GLIS3: variants seen among roughly 807,000 people sequenced by gnomAD.
GLIS3 encodes the protein GLIS family zinc finger 3.
A neutral mutation model predicts 78.6 loss-of-function variants in GLIS3; 53 were observed. That is an observed-to-expected ratio of 0.67 (90% CI 0.54 to 0.85). GLIS3 has a LOEUF of 0.85. GLIS3 is among the 40% of genes least tolerant of loss of function. The probability of loss-of-function intolerance (pLI) is 0.00; values close to 1 mark genes in which losing one functional copy is unlikely to be tolerated. For missense variants in GLIS3, 1,703 were observed against 1,231.1 expected (o/e 1.38, Z -5.74); for synonymous variants, 684 against 509.9 (o/e 1.34, Z -4.60).
intron 2 of GLIS3, among the ~76,000 whole-genome samples, chr9:4,143,064 A>G (rs747016543): frequency 6.6e-6 from 1 of 152,046 alleles, no homozygotes; most frequent in African/African-American, 2.4e-5. Context: ...AAGAATAAAG[A>G]TATGTGTCTT....
the GLIS3 span, among the ~76,000 whole-genome samples, chr9:4,436,810 CAAAAAAAAA>C: frequency 3.2e-3 from 169 of 53,592 alleles, 2 homozygotes; most frequent in Middle Eastern, 0.054. Context: ...GACTGCATCT[CAAAAAAAAA>C]AAAAAAAAAA....
chr9:4,461,339 G>T, the GLIS3 span, among the ~76,000 whole-genome samples: 1 of 150,906 alleles, frequency 6.6e-6, no homozygotes, highest in Admixed American at 6.7e-5. Context: ...CTTACACAGG[G>T]AATACATTTT....
intron 2 of GLIS3, among the ~76,000 whole-genome samples, chr9:4,250,072 G>A (rs201525794): frequency 6.6e-6 from 1 of 152,086 alleles, no homozygotes; most frequent in African/African-American, 2.4e-5. Context: ...ATATTGGCCC[G>A]AAATTTTCTT....
intron 4 of GLIS3, among the ~76,000 whole-genome samples, chr9:3,989,025 ATAAAG>A (rs773080624): frequency 1.3e-5 from 2 of 152,188 alleles, no homozygotes; most frequent in Non-Finnish European, 2.9e-5. Flanking sequence ...CGACCAGTAA[ATAAAG>A]TATATTATAA....
At chr9:4,022,668 A>T (rs1822986931) in intron 4 of GLIS3, among the ~76,000 whole-genome samples, 1 of 152,202 alleles carries the variant, frequency 6.6e-6, no homozygotes. Flanking sequence ...AAAACTGGAA[A>T]CGGTCCCACA....
chr9:4,203,567 A>C (rs1048402734), intron 2 of GLIS3, among the ~76,000 whole-genome samples: 1 of 152,220 alleles, frequency 6.6e-6, no homozygotes, highest in Non-Finnish European at 1.5e-5. Flanking sequence ...AGAATTATTA[A>C]TACTATTTCA....
chr9:3,896,992 C>A lies in GLIS3; in HGVS notation c.2128+1699G>T, dbSNP rs557207444. On this transcript the variant is annotated intron_variant, in intron 7 of 10. Coordinates refer to ENST00000381971, the MANE Select transcript of GLIS3 (RefSeq NM_001042413.2). ...AATGACAAAAACATTTCAAGCTGAA[C>A]CTTAAAATATTTAAAACTCTAAAGC... Among the ~76,000 whole-genome samples, 6 of 152,210 alleles carry A rather than the reference C, an allele frequency of 3.9e-5. No individual in the cohort carries two copies. The South Asian group carries it at 1.0e-3, about 26-fold the overall frequency.
chr9:4,248,414 G>A (rs1259665231), intron 2 of GLIS3, among the ~76,000 whole-genome samples: 1 of 152,122 alleles, frequency 6.6e-6, no homozygotes, highest in Non-Finnish European at 1.5e-5. Flanking sequence ...TAAAGGACAT[G>A]AACTCAATTC....
chr9:4,181,268 C>G (rs574863409), intron 2 of GLIS3, among the ~76,000 whole-genome samples: 1 of 152,252 alleles, frequency 6.6e-6, no homozygotes, highest in Admixed American at 6.5e-5. Flanking sequence ...GGACAGCACT[C>G]GCCTCATGCA....
At chr9:4,127,455 G>C (rs1270423568) in intron 2 of GLIS3, among the ~76,000 whole-genome samples, 1 of 151,874 alleles carries the variant, frequency 6.6e-6, no homozygotes, top group Admixed American at 6.6e-5. Context: ...CCATCTTCTT[G>C]TGCCTTAAAA....
At chr9:4,430,495 C>T in the GLIS3 span, among the ~76,000 whole-genome samples, 1 of 152,148 alleles carries the variant, frequency 6.6e-6, no homozygotes, top group Non-Finnish European at 1.5e-5. Context: ...TTGGGCAGGG[C>T]CCTCATAAAT....
At chr9:4,321,343 A>C (rs1004641551) in intron 2 of GLIS3, among the ~76,000 whole-genome samples, 3 of 122,022 alleles carry the variant, frequency 2.5e-5, no homozygotes, top group East Asian at 2.6e-4. Flanking sequence ...AATGGCGTGA[A>C]CCCAGGAGGC....
At chr9:4,192,944 G>T (rs1046301235) in intron 2 of GLIS3, among the ~76,000 whole-genome samples, 1 of 152,226 alleles carries the variant, frequency 6.6e-6, no homozygotes, top group Non-Finnish European at 1.5e-5. Context: ...ACTGCAAGGA[G>T]GTCAGCATTC....
At chr9:4,371,991 C>T in the GLIS3 span, among the ~76,000 whole-genome samples, 1 of 152,212 alleles carries the variant, frequency 6.6e-6, no homozygotes, top group Admixed American at 6.5e-5. Flanking sequence ...TGTCAGCCCC[C>T]TTCTGGTCCA....
intron 9 of GLIS3, among the ~76,000 whole-genome samples, chr9:3,853,573 T>A (rs549832286): frequency 1.3e-5 from 2 of 152,328 alleles, no homozygotes; most frequent in Non-Finnish European, 2.9e-5. Flanking sequence ...GGTGCTTTTT[T>A]TGTCAAATCT....
At chr9:4,101,000 C>A (rs567786651) in intron 4 of GLIS3, among the ~76,000 whole-genome samples, 25 of 152,156 alleles carry the variant, frequency 1.6e-4, no homozygotes, top group Admixed American at 1.6e-3. Flanking sequence ...GGCTGGGGGC[C>A]CCTGGAAAAC....
At chr9:4,200,814 C>T (rs550755691) in intron 2 of GLIS3, among the ~76,000 whole-genome samples, 33 of 152,130 alleles carry the variant, frequency 2.2e-4, no homozygotes, top group Non-Finnish European at 4.1e-4. Flanking sequence ...CAAAGTGGAA[C>T]GACTCCTGCC....
intron 2 of GLIS3, among the ~76,000 whole-genome samples, chr9:4,221,505 T>A (rs999450750): frequency 2.0e-5 from 3 of 152,186 alleles, no homozygotes; most frequent in Admixed American, 2.0e-4. Flanking sequence ...CTTAGATGAA[T>A]GGAAATGTAA....
At chr9:3,981,357 T>C (rs1344975385) in intron 4 of GLIS3, among the ~76,000 whole-genome samples, 3 of 152,268 alleles carry the variant, frequency 2.0e-5, no homozygotes, top group African/African-American at 7.2e-5. Flanking sequence ...AAGTCGACAT[T>C]GGATGCAAAA....
Sources: allele counts gnomAD v4.1 joint callset (sites outside exome capture counted in the v4.1 genomes callset), GRCh38; gene constraint gnomAD v4.1.1; transcripts MANE v1.5; gene names NCBI Gene and HGNC (gene_info 2026-07-23, HGNC 2026-07-21).